Variants in GATAD2A observed in about 807,000 individuals in gnomAD.
GATAD2A encodes transcriptional repressor p66-alpha.
In GATAD2A, 12 loss-of-function variants were observed where a neutral mutation model predicts 68.5. The observed-to-expected ratio is 0.18, with a 90% CI of 0.11 to 0.28. The LOEUF is 0.28. Ranked by LOEUF, GATAD2A falls within the 10% of genes least tolerant of loss-of-function variation. GATAD2A has a pLI of 1.00. For missense variants in GATAD2A, 755 were observed against 868.5 expected, an observed-to-expected ratio of 0.87 and a Z score of 1.64; for synonymous variants, 410 against 375.3, an observed-to-expected ratio of 1.09 and a Z score of -1.07.
chr19:19,456,992 C>T (rs749446798), intron 1 of GATAD2A: 47 of 520,872 alleles, frequency 9.0e-5, no homozygotes, highest in Middle Eastern at 9.2e-4. Context: ...CCCCATGCTT[C>T]TATTAATTAC....
intron 1 of GATAD2A, chr19:19,428,001 T>C (rs2053296348): frequency 6.6e-6 from 1 of 152,216 alleles, no homozygotes; most frequent in Non-Finnish European, 1.5e-5. Flanking sequence ...AGGTATTTTT[T>C]ATTTTCCTAT....
At chr19:19,399,897 A>G (rs1189139981) in intron 1 of GATAD2A, among the ~76,000 whole-genome samples, 1 of 152,146 alleles carries the variant, frequency 6.6e-6, no homozygotes, top group Non-Finnish European at 1.5e-5. Context: ...TGCATGTCCA[A>G]CTAAGGATAT....
chr19:19,430,787 T>C (rs1029915261), intron 1 of GATAD2A, among the ~76,000 whole-genome samples: 3 of 152,200 alleles, frequency 2.0e-5, no homozygotes, highest in African/African-American at 7.2e-5. Flanking sequence ...TGTCAGGCCA[T>C]GTGTCCTTTC....
At chr19:19,490,273 G>T (rs1230568051) in intron 2 of GATAD2A, among the ~76,000 whole-genome samples, 3 of 152,142 alleles carry the variant, frequency 2.0e-5, no homozygotes, top group African/African-American at 7.2e-5. Flanking sequence ...AGCAAGTAAA[G>T]CGGTTCCTGA....
chr19:19,461,850 G>A (rs2057457642), intron 1 of GATAD2A, among the ~76,000 whole-genome samples: 1 of 152,220 alleles, frequency 6.6e-6, no homozygotes, highest in Non-Finnish European at 1.5e-5. Context: ...AGCCCTGGCA[G>A]CCTCAGTGCT....
chr19:19,438,536 C>T (rs1260443078), intron 1 of GATAD2A, among the ~76,000 whole-genome samples: 2 of 152,222 alleles, frequency 1.3e-5, no homozygotes, highest in Admixed American at 1.3e-4. Context: ...CTCCTAGGCC[C>T]CAGGCTGGGT....
intron 1 of GATAD2A, among the ~76,000 whole-genome samples, chr19:19,447,913 T>G (rs1600150311): frequency 6.6e-6 from 1 of 152,216 alleles, no homozygotes; most frequent in Admixed American, 6.5e-5. Context: ...GTGCCAGACC[T>G]CCCTGCCGTT....
At chr19:19,489,490 T>A (rs1204725820) in intron 2 of GATAD2A, among the ~76,000 whole-genome samples, 1 of 152,240 alleles carries the variant, frequency 6.6e-6, no homozygotes, top group Non-Finnish European at 1.5e-5. Flanking sequence ...GTTCACTCCC[T>A]GCTGGCTGCT....
intron 1 of GATAD2A, among the ~76,000 whole-genome samples, chr19:19,454,880 T>C (rs1460210770): frequency 1.3e-5 from 2 of 152,218 alleles, no homozygotes; most frequent in South Asian, 4.1e-4. Flanking sequence ...TTGCGATGGT[T>C]GCGTGTGGTT....
chr19:19,419,510 C>CTT (rs57019208), intron 1 of GATAD2A, among the ~76,000 whole-genome samples: 46 of 110,616 alleles, frequency 4.2e-4, no homozygotes, highest in South Asian at 6.4e-4. Context: ...ATCTCTACAT[C>CTT]TTTTTTTTTT....
chr19:19,435,578 G>A (rs1043645357), intron 1 of GATAD2A, among the ~76,000 whole-genome samples: 1 of 152,146 alleles, frequency 6.6e-6, no homozygotes, highest in African/African-American at 2.4e-5. Flanking sequence ...GGCTGGGCAC[G>A]GTGGCTCATG....
In GATAD2A at chr19:19,505,996, C is replaced by T. The variant is rs568462878; in HGVS notation, c.*522C>T. The T allele has an allele frequency of 1.5e-5, 6 of 398,784 alleles. No individual in the cohort carries two copies. The highest frequency in any genetic ancestry group is 1.0e-4 in the African/African-American group (5 of 48,590). The allele number at this position is 398,784 out of a possible 1,614,324, so 24.7% of individuals were successfully genotyped here. On this transcript the variant is annotated 3_prime_UTR_variant, in exon 12 of 12. Transcript: ENST00000683918. The stretch of plus-strand genomic sequence containing the variant: ...AGATTTTTTTTTTTTTTAATCACCT[C>T]ATGATGATGGAGTTAAAAGTAAACC...
intron 1 of GATAD2A, among the ~76,000 whole-genome samples, chr19:19,429,003 G>T (rs2053415546): frequency 6.7e-6 from 1 of 149,982 alleles, no homozygotes; most frequent in Admixed American, 6.7e-5. Context: ...TTTAATTAAA[G>T]ACAGCATTTG....
At chr19:19,427,504 G>A (rs1269581452) in intron 1 of GATAD2A, 1 of 152,132 alleles carries the variant, frequency 6.6e-6, no homozygotes, top group East Asian at 1.9e-4. Context: ...ATCATCTTGG[G>A]ATCACAATGT....
At chr19:19,495,161 A>G (rs1163798424) in intron 5 of GATAD2A, among the ~76,000 whole-genome samples, 1 of 151,742 alleles carries the variant, frequency 6.6e-6, no homozygotes, top group Non-Finnish European at 1.5e-5. Flanking sequence ...ATGCCTGGGT[A>G]ATTTTTCCAT....
chr19:19,418,011 G>T (rs2051863564), intron 1 of GATAD2A, among the ~76,000 whole-genome samples: 1 of 152,188 alleles, frequency 6.6e-6, no homozygotes. Flanking sequence ...GGGGCACTCA[G>T]CTAAAGGGCG....
rs556009731 is a variant in GATAD2A at position 19,497,068 on chromosome 19, C to T, written c.924+849C>T. Among the ~76,000 whole-genome samples, 3 of 152,266 alleles carry T rather than the reference C, an allele frequency of 2.0e-5. No homozygotes were observed. The East Asian group carries it at 5.8e-4, about 29-fold the overall frequency. Reference sequence around the variant, plus strand: ...TTTTGGAGACAGTCTTGCTCTGTTGCCCAGGCTGGATGGAGTACAGTGGTG... The same window carrying T: ...TTTTGGAGACAGTCTTGCTCTGTTGTCCAGGCTGGATGGAGTACAGTGGTG... On this transcript the variant is annotated intron_variant, in intron 7 of 11. Transcript: ENST00000683918.
rs116151320 is a variant in GATAD2A at position 19,501,144 on chromosome 19, C to T, written c.1231C>T (p.Leu411=). ...AGGCAGGATGTCGGCCGCCACTGTG[C>T]TGTCCCGGGAGCCCTACATGTGTGC... ...QAGRMSAATV[L]SREPYMCAQC... is the part of the protein sequence containing the mutation. The change falls in exon 9 of 12, where the codon CTG becomes TTG. Residue 411 remains leucine, a synonymous_variant. Coordinates refer to ENST00000683918, the MANE Select transcript of GATAD2A (RefSeq NM_001384528.1). 272 of 1,612,376 alleles carry T rather than the reference C, an allele frequency of 1.7e-4. No homozygotes were observed. Among genetic ancestry groups the T allele is most frequent in the Admixed American group, 5.2e-4 (31 of 60,006 alleles).
Position 19,465,573 on chromosome 19 carries a change from G to T in GATAD2A, c.228G>T (p.Gly76=). 1 of 1,613,626 alleles carries T rather than the reference G, an allele frequency of 6.2e-7. No individual in the cohort carries two copies. The highest frequency in any genetic ancestry group is 1.3e-5 in the African/African-American group (1 of 75,064). ...CCATGGCCATGGGCAGAGGCGAAGGGCTGGTGGGCGATGGGCCCGTGGACA... is the reference window on the plus strand; with the variant it reads ...CCATGGCCATGGGCAGAGGCGAAGGTCTGGTGGGCGATGGGCCCGTGGACA... ...ATAMAMGRGE[G]LVGDGPVDMR... is the part of the protein sequence containing the mutation. Residue 76 remains glycine, a synonymous_variant, in exon 2 of 12, where the codon GGG becomes GGT. Coordinates refer to ENST00000683918, the MANE Select transcript of GATAD2A (RefSeq NM_001384528.1).
Sources: gnomAD v4.1 joint callset for allele counts (sites outside exome capture counted in the v4.1 genomes callset) on GRCh38, gnomAD v4.1.1 for gene constraint, MANE v1.5 for transcripts, NCBI Gene and HGNC (gene_info 2026-07-23, HGNC 2026-07-21) for gene names.